STK32B: variants seen among roughly 807,000 people sequenced by gnomAD.
The protein encoded by STK32B is serine/threonine-protein kinase 32B.
A neutral mutation model predicts 52.6 loss-of-function variants in STK32B; 43 were observed. That is an observed-to-expected ratio of 0.82 (90% confidence interval 0.64 to 1.05). STK32B has a LOEUF of 1.05. STK32B is among the 50% of genes least tolerant of loss of function. The pLI is 0.00. For synonymous variants in STK32B, 238 were observed against 204.3 expected (o/e 1.17, Z -1.41); for missense variants, 621 against 534.6 (o/e 1.16, Z -1.59).
intron 1 of STK32B, among the ~76,000 whole-genome samples, chr4:5,103,648 T>A (rs1490181690): frequency 1.3e-5 from 2 of 152,136 alleles, no homozygotes; most frequent in Admixed American, 6.5e-5. Context: ...AACGGTAGAA[T>A]TCCTGGGCCA....
intron 1 of STK32B, among the ~76,000 whole-genome samples, chr4:5,055,676 C>T (rs1741975345): frequency 6.6e-6 from 1 of 152,144 alleles, no homozygotes; most frequent in African/African-American, 2.4e-5. Context: ...GCTCACCTGC[C>T]TCCTTCCTGC....
chr4:5,336,306 C>T (rs1441073616), intron 4 of STK32B, among the ~76,000 whole-genome samples: 2 of 151,794 alleles, frequency 1.3e-5, no homozygotes, highest in Admixed American at 6.6e-5. Flanking sequence ...TTTTCCAGGA[C>T]ACCTTAAAGT....
At chr4:5,207,660 AATGCAGTCTCAG>A (rs1264344719) in intron 3 of STK32B, among the ~76,000 whole-genome samples, 2 of 151,692 alleles carry the variant, frequency 1.3e-5, no homozygotes, top group African/African-American at 2.4e-5. Flanking sequence ...TTTTCTCAAA[AATGCAGTCTCAG>A]ATGCAGTCTC....
intron 11 of STK32B, among the ~76,000 whole-genome samples, chr4:5,471,658 G>T (rs1258755913): frequency 3.9e-5 from 6 of 152,124 alleles, no homozygotes; most frequent in Admixed American, 3.9e-4. Flanking sequence ...CCAACCAGAA[G>T]CTGAGAGAGT....
chr4:5,182,792 G>A (rs1016024839), intron 3 of STK32B, among the ~76,000 whole-genome samples: 40 of 151,976 alleles, frequency 2.6e-4, no homozygotes, highest in African/African-American at 9.4e-4. Flanking sequence ...AAGATGTGAA[G>A]GTCAAGATTA....
chr4:5,417,171 A>C (rs1294210400), intron 6 of STK32B, among the ~76,000 whole-genome samples: 1 of 152,212 alleles, frequency 6.6e-6, no homozygotes, highest in Admixed American at 6.5e-5. Context: ...GCTCAGCCAG[A>C]GAGCCATGGC....
At chr4:5,130,451 G>T (rs976532600) in intron 1 of STK32B, among the ~76,000 whole-genome samples, 9 of 152,088 alleles carry the variant, frequency 5.9e-5, no homozygotes, top group African/African-American at 2.2e-4. Context: ...TCCAAACCGG[G>T]CTTGGGCTGT....
At chr4:5,036,829 G>A in the STK32B span, among the ~76,000 whole-genome samples, 9 of 151,550 alleles carry the variant, frequency 5.9e-5, no homozygotes, top group Non-Finnish European at 1.2e-4. Context: ...CACCACACCC[G>A]GCTAATTTTT....
At chr4:5,291,069 A>G (rs181717568) in intron 3 of STK32B, among the ~76,000 whole-genome samples, 182 of 152,238 alleles carry the variant, frequency 1.2e-3, no homozygotes, top group African/African-American at 4.2e-3. Context: ...ATTTATGCCA[A>G]TGCCACACTG....
chr4:5,191,645 C>T (rs1289312746), intron 3 of STK32B, among the ~76,000 whole-genome samples: 1 of 152,118 alleles, frequency 6.6e-6, no homozygotes, highest in Non-Finnish European at 1.5e-5. Flanking sequence ...CAGCTGGTAG[C>T]CTAGATAGTC....
At position 5,398,698 on chromosome 4, in the gene STK32B, A is replaced by G. The variant is rs1201604990; in HGVS notation, c.472+454A>G. On this transcript the variant is annotated intron_variant, in intron 5 of 11. Transcript: ENST00000282908. The surrounding 1 kb of genome is among the most constrained non-coding windows in gnomAD (Gnocchi z 4.9). ...TCTAGCAAGCAGAGCTTAATACTTG[A>G]TAATCCACTAAGCATTTACTCATCT... Among the ~76,000 whole-genome samples, 1 of 152,238 alleles carries G rather than the reference A, an allele frequency of 6.6e-6. No homozygotes were observed. Among genetic ancestry groups the G allele is most frequent in the Non-Finnish European group, 1.5e-5 (1 of 68,046 alleles).
At chr4:5,457,049 C>T (rs968401564) in intron 8 of STK32B, 126 bp downstream of exon 8, 16 of 629,076 alleles carry the variant, frequency 2.5e-5, no homozygotes, top group African/African-American at 1.9e-4. Flanking sequence ...AAATCAGCTG[C>T]GCTCAAATGC....
At chr4:5,276,493 A>C (rs1208047020) in intron 3 of STK32B, among the ~76,000 whole-genome samples, 1 of 152,120 alleles carries the variant, frequency 6.6e-6, no homozygotes. Context: ...TGATGTTTCC[A>C]GTGTCTCTTA....
At chr4:5,444,298 T>C (rs1186137282) in intron 6 of STK32B, among the ~76,000 whole-genome samples, 3 of 152,236 alleles carry the variant, frequency 2.0e-5, no homozygotes, top group African/African-American at 7.2e-5. Context: ...GGATATAATC[T>C]TGTGGTGCAC....
At chr4:5,192,561 TGAAAC>T (rs1196868144) in intron 3 of STK32B, among the ~76,000 whole-genome samples, 1 of 152,224 alleles carries the variant, frequency 6.6e-6, no homozygotes, top group East Asian at 1.9e-4. Context: ...TATTTTTAAA[TGAAAC>T]AATTTTTTTC....
intron 3 of STK32B, among the ~76,000 whole-genome samples, chr4:5,270,335 G>A (rs1727341067): frequency 6.6e-6 from 1 of 152,164 alleles, no homozygotes; most frequent in African/African-American, 2.4e-5. Context: ...CAGCACTGGA[G>A]AAAGATGTAG....
intron 1 of STK32B, among the ~76,000 whole-genome samples, chr4:5,060,462 T>A (rs1742175577): frequency 6.6e-6 from 1 of 152,186 alleles, no homozygotes; most frequent in Non-Finnish European, 1.5e-5. Flanking sequence ...AAAATAACTT[T>A]TGCTTTAATT....
intron 3 of STK32B, among the ~76,000 whole-genome samples, chr4:5,229,374 A>G (rs1267498832): frequency 6.6e-6 from 1 of 152,196 alleles, no homozygotes; most frequent in Non-Finnish European, 1.5e-5. Flanking sequence ...CCATGTAACA[A>G]AACTGCATTG....
intron 4 of STK32B, among the ~76,000 whole-genome samples, chr4:5,336,608 G>T (rs1431907622): frequency 3.9e-5 from 6 of 152,078 alleles, no homozygotes; most frequent in Non-Finnish European, 5.9e-5. Flanking sequence ...AATCAAAATT[G>T]TGAAAGCAGA....
Sources: allele counts gnomAD v4.1 joint callset (sites outside exome capture counted in the v4.1 genomes callset), GRCh38; gene constraint gnomAD v4.1.1; non-coding constraint Gnocchi (gnomAD v3.1); transcripts MANE v1.5; gene names NCBI Gene and HGNC (gene_info 2026-07-23, HGNC 2026-07-21).